The following WDR47 variants were observed in gnomAD, a reference collection of about 807,000 sequenced individuals.
WDR47 encodes WD repeat-containing protein 47.
A neutral mutation model predicts 97.2 loss-of-function variants in WDR47; 32 were observed. The ratio of observed to expected loss-of-function variants is 0.33; its 90% CI spans 0.25 to 0.44. The LOEUF is 0.44. Ranked by LOEUF, WDR47 falls within the 20% of genes least tolerant of loss-of-function variation. The pLI, the probability that WDR47 is intolerant of heterozygous loss-of-function variation, is 1.00. For missense variants in WDR47, 782 were observed against 1,102.3 expected (o/e 0.71, Z 4.11); for synonymous variants, 375 against 373.5 (o/e 1.00, Z -0.05).
intron 3 of WDR47, among the ~76,000 whole-genome samples, chr1:109,015,243 T>C (rs756664584): frequency 2.6e-5 from 4 of 152,242 alleles, no homozygotes; most frequent in African/African-American, 7.2e-5. Flanking sequence ...GAGTAACTTA[T>C]ATCTGGCTAA....
Position 108,970,999 on chromosome 1 carries a change from A to G in WDR47, c.*431T>C, listed in dbSNP as rs1557906643. The G allele has an allele frequency of 6.4e-6, 1 of 155,192 alleles. No individual in the cohort carries two copies. The highest frequency in any genetic ancestry group is 2.4e-5 in the African/African-American group (1 of 41,502). 9.6% of individuals were successfully genotyped at this position (155,192 alleles called of 1,614,324 possible). On this transcript the variant is annotated 3_prime_UTR_variant, in exon 15 of 15. Coordinates refer to ENST00000369962, the MANE Select transcript of WDR47 (RefSeq NM_001142551.2). ...GAGAAGAGCAAAAGTAATTCTGAAC[A>G]CCTGGGAAGTTTAATCTGGGAGGAA...
At chr1:108,995,874 A>C in intron 7 of WDR47, 37 bp from the exon 8 acceptor site, 1 of 1,590,490 alleles carries the variant, frequency 6.3e-7, no homozygotes, top group Non-Finnish European at 8.6e-7. Context: ...TTAAAATAAA[A>C]ACTTAATTGC....
At chr1:109,016,864 C>G (rs1661458092) in intron 3 of WDR47, among the ~76,000 whole-genome samples, 1 of 151,554 alleles carries the variant, frequency 6.6e-6, no homozygotes, top group South Asian at 2.1e-4. Flanking sequence ...TATAAGCAAG[C>G]ACAAGTCCAA....
chr1:108,988,515 AG>A (rs1659037937), intron 9 of WDR47, among the ~76,000 whole-genome samples: 1 of 152,008 alleles, frequency 6.6e-6, no homozygotes, highest in African/African-American at 2.4e-5. Flanking sequence ...ACCAAAAAAA[AG>A]AAAAATAATA....
chr1:108,978,930 A>C (rs546655093), intron 13 of WDR47, among the ~76,000 whole-genome samples: 1 of 152,334 alleles, frequency 6.6e-6, no homozygotes, highest in East Asian at 1.9e-4. Context: ...CGATATATAT[A>C]GGCAAGACTT....
At chr1:108,986,461 G>A in intron 10 of WDR47, 62 bp downstream of exon 10, 1 of 1,433,358 alleles carries the variant, frequency 7.0e-7, no homozygotes. Flanking sequence ...TCTGAAAAAG[G>A]AACCTATACG....
Position 108,974,605 on chromosome 1 carries a change from A to G in WDR47, c.2548T>C (p.Phe850Leu). The change falls in exon 14 of 15, where the codon TTC becomes CTC. Residue 850 changes from phenylalanine to leucine, a missense_variant. By Grantham distance (22) the Phe-to-Leu change is conservative. Coordinates refer to ENST00000369962, the MANE Select transcript of WDR47 (RefSeq NM_001142551.2). ...AGCAAGTAGTGAGCTCCAGGGGAGA[A>G]TCGAACAGAGCGAACATCACTGGAA... ...PHSSDVRSVR[F>L]SPGAHYLLTG... 1 of 1,614,168 alleles carries G rather than the reference A, an allele frequency of 6.2e-7. No individual in the cohort carries two copies. Among genetic ancestry groups the G allele is most frequent in the Non-Finnish European group, 8.5e-7 (1 of 1,180,036 alleles).
chr1:108,997,485 G>A (rs376740818), intron 7 of WDR47, among the ~76,000 whole-genome samples: 7 of 151,478 alleles, frequency 4.6e-5, no homozygotes, highest in South Asian at 4.2e-4. Context: ...GGCTGGGCGC[G>A]GTGGCTCATG....
intron 14 of WDR47, 36 bp downstream of exon 14, chr1:108,974,500 G>A (rs1657731017): frequency 1.3e-6 from 2 of 1,579,680 alleles, no homozygotes; most frequent in Non-Finnish European, 1.7e-6. Context: ...AAATAGAACA[G>A]GAAAGACTAA....
chr1:109,036,783 C>G (rs527378), intron 1 of WDR47, among the ~76,000 whole-genome samples: 2 of 151,436 alleles, frequency 1.3e-5, no homozygotes, highest in East Asian at 2.0e-4. Flanking sequence ...TGCAGTGAGC[C>G]GAGATCATGC....
intron 1 of WDR47, among the ~76,000 whole-genome samples, chr1:109,028,693 C>T (rs535601976): frequency 2.8e-4 from 43 of 151,944 alleles, no homozygotes; most frequent in Admixed American, 5.2e-4. Flanking sequence ...TCTCGTCATC[C>T]GCCCGCCTCA....
chr1:108,974,505 G>A (rs747312521), intron 14 of WDR47, 31 bp downstream of exon 14: 32 of 1,587,500 alleles, frequency 2.0e-5, no homozygotes, highest in Non-Finnish European at 2.7e-5. Context: ...GAACAGGAAA[G>A]ACTAAAAACA....
rs759230541 is a variant in WDR47, at chr1:108,982,799, TAAA to T, written c.2096-23_2096-21del. 3.3e-6 allele frequency: 4 copies of T among 1,229,828 alleles called. No individual in the cohort carries two copies. The highest frequency in any genetic ancestry group is 4.9e-5 in the Admixed American group (2 of 40,612). 76.2% of individuals were successfully genotyped at this position (1,229,828 alleles called of 1,614,324 possible). ...CTGGTCCTGAAACAGTAGTAAGAAT[TAAA>T]AAAAAAAAATGCTGCTCAACTTACT... On this transcript the variant is annotated intron_variant, in intron 11 of 14. Coordinates refer to ENST00000369962, the MANE Select transcript of WDR47 (RefSeq NM_001142551.2).
At chr1:109,020,160 G>T (rs188410349) in intron 2 of WDR47, among the ~76,000 whole-genome samples, 13 of 151,740 alleles carry the variant, frequency 8.6e-5, no homozygotes, top group African/African-American at 3.1e-4. Flanking sequence ...TTTTATAAAG[G>T]TGCATTTCAA....
intron 1 of WDR47, among the ~76,000 whole-genome samples, chr1:109,033,862 T>C (rs1333814511): frequency 1.3e-5 from 2 of 152,252 alleles, no homozygotes; most frequent in African/African-American, 4.8e-5. Context: ...GAGGTTGCAG[T>C]GAGCCGAGAT....
At chr1:109,034,914 T>C (rs1662828427) in intron 1 of WDR47, among the ~76,000 whole-genome samples, 1 of 152,146 alleles carries the variant, frequency 6.6e-6, no homozygotes, top group Non-Finnish European at 1.5e-5. Context: ...AACAGGCCCA[T>C]TTATTTAAAA....
chr1:109,011,652 C>T lies in WDR47; in HGVS notation c.394G>A (p.Asp132Asn). 6.2e-7 allele frequency: 1 copy of T among 1,614,100 alleles called. No individual in the cohort carries two copies. ...HALEEYCPSK[D>N]DYSKLCLLLT... is the part of the protein sequence containing the mutation. Reference sequence around the variant, plus strand: ...AGCAAACAGAGCTTACTATAGTCATCTTTAGAAGGACAGTATTCTTCTAGA... The same window carrying T: ...AGCAAACAGAGCTTACTATAGTCATTTTTAGAAGGACAGTATTCTTCTAGA... The change falls in exon 5 of 15, where the codon GAT becomes AAT. Residue 132 changes from aspartate (D) to asparagine (N), a missense_variant. By Grantham distance (23) the Asp-to-Asn change is conservative (BLOSUM62 1). Transcript: ENST00000369962.
intron 4 of WDR47, 36 bp from the exon 5 acceptor site, chr1:109,011,754 T>A (rs748953567): frequency 1.3e-6 from 2 of 1,522,318 alleles, no homozygotes; most frequent in Admixed American, 2.2e-5. Context: ...ATAATCACTA[T>A]AAAAAACATG....
intron 5 of WDR47, among the ~76,000 whole-genome samples, chr1:109,008,807 C>A (rs1660823729): frequency 1.3e-5 from 2 of 151,790 alleles, no homozygotes; most frequent in African/African-American, 2.4e-5. Flanking sequence ...AGGGTTTCAT[C>A]ATGTTGGACA....
Sources: gnomAD v4.1 joint callset for allele counts (sites outside exome capture counted in the v4.1 genomes callset) on GRCh38, gnomAD v4.1.1 for gene constraint, MANE v1.5 for transcripts, NCBI Gene and HGNC (gene_info 2026-07-23, HGNC 2026-07-21) for gene names.